Variants in GUCA1C observed in about 807,000 individuals in gnomAD.
GUCA1C encodes the protein guanylate cyclase activator 1C.
Under a neutral mutation model 16.2 loss-of-function variants are expected in GUCA1C, and 15 were observed. The ratio of observed to expected loss-of-function variants is 0.93; its 90% CI spans 0.62 to 1.43. The LOEUF (loss-of-function observed/expected upper bound fraction) is 1.43. Ranked by LOEUF, GUCA1C falls within the 40% of genes most tolerant of loss-of-function variation. The pLI is 0.00. For synonymous variants in GUCA1C, 78 were observed against 85.4 expected (o/e 0.91, Z 0.48); for missense variants, 275 against 244.8 (o/e 1.12, Z -0.82).
chr3:108,925,157 A>T (rs1946611812), intron 1 of GUCA1C, among the ~76,000 whole-genome samples: 3 of 138,860 alleles, frequency 2.2e-5, no homozygotes, highest in South Asian at 2.2e-4. Flanking sequence ...TTCATTATTT[A>T]TTTTCTTCTG....
rs1946410755 is a variant in GUCA1C, at chr3:108,908,173, G to C, written c.479C>G (p.Ala160Gly). The C allele has an allele frequency of 1.2e-6, 2 of 1,613,470 alleles. No individual in the cohort carries two copies. Among genetic ancestry groups the C allele is most frequent in the Admixed American group, 1.7e-5 (1 of 59,968 alleles). Residue 160 changes from alanine to glycine, a missense_variant, in exon 4 of 4, where the codon GCA (alanine) becomes GGA (glycine). Coordinates refer to ENST00000261047, the MANE Select transcript of GUCA1C (RefSeq NM_005459.4). ...AATCTCCAGGAGATCCTGATCTTTT[G>C]CCATGCCATTGATAAATTCTTCTAA... ...LTLEEFINGMAKDQDLLEIVY... is the reference protein window; with the variant it reads ...LTLEEFINGMGKDQDLLEIVY...
intron 1 of GUCA1C, among the ~76,000 whole-genome samples, chr3:108,922,936 G>A (rs540775269): frequency 2.6e-5 from 4 of 152,152 alleles, no homozygotes; most frequent in Admixed American, 6.5e-5. Context: ...TTAGTTTGCT[G>A]AGAATGATGG....
chr3:108,945,532 T>C (rs2107315649), intron 1 of GUCA1C, among the ~76,000 whole-genome samples: 1 of 152,338 alleles, frequency 6.6e-6, no homozygotes, highest in South Asian at 2.1e-4. Context: ...TTCCCAGTTG[T>C]AGAAACTAAG....
chr3:108,916,982 T>C (rs1226793128), intron 2 of GUCA1C, among the ~76,000 whole-genome samples: 1 of 152,226 alleles, frequency 6.6e-6, no homozygotes, highest in Non-Finnish European at 1.5e-5. Context: ...CAATCATAAA[T>C]ATGACTCTCT....
chr3:108,944,372 G>C (rs1946822653), intron 1 of GUCA1C, among the ~76,000 whole-genome samples: 2 of 152,138 alleles, frequency 1.3e-5, no homozygotes, highest in South Asian at 4.1e-4. Context: ...CCAGAGATTT[G>C]TTTCTTGTCT....
At position 108,911,589 on chromosome 3, in the gene GUCA1C, T is replaced by C. The variant is rs189820805; in HGVS notation, c.443-3380A>G. Among the ~76,000 whole-genome samples the C allele has an allele frequency of 5.3e-5, 8 of 152,258 alleles. No homozygotes were observed. In the East Asian group the frequency reaches 1.5e-3, roughly 29 times the overall value. ...GTGGCACTAGAAGCATTTAGCAACA[T>C]TTTACAGGAGAGCTTTAGCATGCAG... On this transcript the variant is annotated intron_variant, in intron 3 of 3. Coordinates refer to ENST00000261047, the MANE Select transcript of GUCA1C (RefSeq NM_005459.4).
intron 1 of GUCA1C, among the ~76,000 whole-genome samples, chr3:108,949,470 T>A (rs1946875582): frequency 1.3e-5 from 2 of 152,218 alleles, no homozygotes; most frequent in African/African-American, 4.8e-5. Context: ...CTGTTAGGAA[T>A]AACCCGGCCT....
intron 1 of GUCA1C, among the ~76,000 whole-genome samples, chr3:108,925,108 T>G (rs560767268): frequency 2.2e-4 from 32 of 146,788 alleles, no homozygotes; most frequent in African/African-American, 8.3e-4. Context: ...CTTTTGTATT[T>G]TTTTTTTTGT....
At chr3:108,954,769 C>T (rs1946932479), upstream of GUCA1C, among the ~76,000 whole-genome samples, 1 of 145,636 alleles carries the variant, frequency 6.9e-6, no homozygotes, top group African/African-American at 2.6e-5. Flanking sequence ...TGGAGTCTCG[C>T]TCTGTCCCTC....
chr3:108,927,495 A>G (rs1423365379), intron 1 of GUCA1C, among the ~76,000 whole-genome samples: 1 of 136,550 alleles, frequency 7.3e-6, no homozygotes, highest in Non-Finnish European at 1.6e-5. Context: ...TTTGAGCTCT[A>G]AAGTTCTTTC....
At chr3:108,935,345 A>G (rs1576552715) in intron 1 of GUCA1C, among the ~76,000 whole-genome samples, 1 of 151,830 alleles carries the variant, frequency 6.6e-6, no homozygotes, top group South Asian at 2.1e-4. Flanking sequence ...TAAAATGAAA[A>G]TTGAAAAAAA....
At chr3:108,946,717 C>T (rs1265910906) in intron 1 of GUCA1C, among the ~76,000 whole-genome samples, 1 of 151,816 alleles carries the variant, frequency 6.6e-6, no homozygotes, top group African/African-American at 2.4e-5. Flanking sequence ...GATACATTTA[C>T]AATGCGGGAT....
intron 1 of GUCA1C, among the ~76,000 whole-genome samples, chr3:108,933,562 G>A (rs1946692188): frequency 6.6e-6 from 1 of 152,092 alleles, no homozygotes; most frequent in Admixed American, 6.5e-5. Flanking sequence ...GTTTCTTCTG[G>A]TTCCTAAAAC....
Position 108,953,545 on chromosome 3 carries a change from A to T in GUCA1C, c.204+14T>A. ...ACAGCATTTTCAAATGAAATGAAAA[A>T]TGAAAGATCTTACCTTGTTCGTGTC... On this transcript the variant is annotated intron_variant, in intron 1 of 3. Coordinates refer to ENST00000261047, the MANE Select transcript of GUCA1C (RefSeq NM_005459.4). The T allele has an allele frequency of 6.5e-7, 1 of 1,534,912 alleles. No individual in the cohort carries two copies. Among genetic ancestry groups the T allele is most frequent in the South Asian group, 1.1e-5 (1 of 89,438 alleles).
chr3:108,954,212 T>C (rs1167207346), upstream of GUCA1C, among the ~76,000 whole-genome samples: 2 of 152,226 alleles, frequency 1.3e-5, no homozygotes, highest in Non-Finnish European at 2.9e-5. Flanking sequence ...TTTCCTCATC[T>C]GTAAAACAGT....
chr3:108,920,633 T>C (rs773947620), intron 1 of GUCA1C, 48 bp from the exon 2 acceptor site: 16 of 1,112,008 alleles, frequency 1.4e-5, no homozygotes, highest in Admixed American at 6.4e-5. Flanking sequence ...AGAAGAATAA[T>C]TGTTTTTTAT....
intron 3 of GUCA1C, among the ~76,000 whole-genome samples, chr3:108,913,755 TA>T (rs1294488662): frequency 1.3e-5 from 2 of 152,142 alleles, no homozygotes; most frequent in East Asian, 1.9e-4. Context: ...GATGTGCGTA[TA>T]TTTTTTTTAC....
intron 1 of GUCA1C, among the ~76,000 whole-genome samples, chr3:108,940,864 T>C (rs1316584841): frequency 6.6e-6 from 1 of 152,188 alleles, no homozygotes; most frequent in Non-Finnish European, 1.5e-5. Context: ...GCAGGCAGCA[T>C]AGGTCTTGTC....
At chr3:108,932,203 A>G (rs1301220162) in intron 1 of GUCA1C, among the ~76,000 whole-genome samples, 2 of 151,854 alleles carry the variant, frequency 1.3e-5, no homozygotes, top group Non-Finnish European at 2.9e-5. Flanking sequence ...GTCCCCTGAC[A>G]CACAGAACTG....
Sources: allele counts gnomAD v4.1 joint callset (sites outside exome capture counted in the v4.1 genomes callset), GRCh38; gene constraint gnomAD v4.1.1; transcripts MANE v1.5; gene names NCBI Gene and HGNC (gene_info 2026-07-23, HGNC 2026-07-21).